Variants in RUNX1 observed in about 807,000 individuals in gnomAD.
RUNX1 encodes RUNX family transcription factor 1.
In RUNX1, 19 loss-of-function variants were observed where a neutral mutation model predicts 42.8. The ratio of observed to expected loss-of-function variants is 0.44; its 90% CI spans 0.31 to 0.65. RUNX1 has a LOEUF of 0.65. RUNX1 is among the 30% of genes least tolerant of loss of function. RUNX1 has a pLI of 0.07. For missense variants in RUNX1, 528 were observed against 672.0 expected (o/e 0.79, Z 2.37); for synonymous variants, 271 against 289.4 (o/e 0.94, Z 0.64).
intron 2 of RUNX1, among the ~76,000 whole-genome samples, chr21:35,010,467 G>A (rs772127326): frequency 6.6e-6 from 1 of 152,100 alleles, no homozygotes; most frequent in Non-Finnish European, 1.5e-5. Flanking sequence ...CTTTGTTGAC[G>A]AGAATGTTTT....
At chr21:34,821,319 A>C (rs2056904699) in intron 7 of RUNX1, 26 of 1,143,618 alleles carry the variant, frequency 2.3e-5, no homozygotes, top group Non-Finnish European at 2.7e-5. Flanking sequence ...TAAGTATTGA[A>C]AGTGTACCGG....
chr21:34,925,920 C>T (rs1485393767), intron 2 of RUNX1, among the ~76,000 whole-genome samples: 1 of 151,888 alleles, frequency 6.6e-6, no homozygotes. Context: ...AAGGCTAGTA[C>T]TATAGAGTGC....
intron 2 of RUNX1, among the ~76,000 whole-genome samples, chr21:34,917,643 AGGT>A (rs1452516047): frequency 5.2e-4 from 79 of 152,356 alleles, no homozygotes; most frequent in Middle Eastern, 3.4e-3. Flanking sequence ...ACAGATGGAA[AGGT>A]GGTCAGACAC....
chr21:34,849,423 AGT>A (rs2057381133), intron 6 of RUNX1, among the ~76,000 whole-genome samples: 2 of 71,910 alleles, frequency 2.8e-5, no homozygotes, highest in African/African-American at 1.1e-4. Context: ...TATATTATAT[AGT>A]ATATATATTA....
At chr21:35,026,788 G>T (rs1171850300) in intron 2 of RUNX1, among the ~76,000 whole-genome samples, 14 of 152,208 alleles carry the variant, frequency 9.2e-5, no homozygotes, top group Admixed American at 9.2e-4. Flanking sequence ...AGCCAGAAAC[G>T]GCGGGGACGC....
chr21:34,850,647 G>A (rs1210123718), intron 6 of RUNX1, among the ~76,000 whole-genome samples: 1 of 152,102 alleles, frequency 6.6e-6, no homozygotes, highest in Non-Finnish European at 1.5e-5. Flanking sequence ...GCAACATTTG[G>A]GGGCAAGGCC....
chr21:34,908,622 A>G (rs905943322), intron 2 of RUNX1, among the ~76,000 whole-genome samples: 14 of 152,158 alleles, frequency 9.2e-5, no homozygotes, highest in African/African-American at 3.4e-4. Flanking sequence ...AAGGCCAGAT[A>G]AAGACTTCTG....
intron 2 of RUNX1, among the ~76,000 whole-genome samples, chr21:35,036,925 G>C (rs1306959361): frequency 2.0e-5 from 3 of 152,214 alleles, no homozygotes; most frequent in Admixed American, 1.3e-4. Context: ...CACCCCTGAA[G>C]GAGGGACTCA....
intron 6 of RUNX1, among the ~76,000 whole-genome samples, chr21:34,849,270 TATATATATA>T (rs1363005081): frequency 2.2e-5 from 1 of 45,618 alleles, no homozygotes; most frequent in Non-Finnish European, 4.1e-5. Flanking sequence ...ATATATATAA[TATATATATA>T]ATATATATTA....
chr21:34,876,224 G>A (rs530320528), intron 5 of RUNX1, among the ~76,000 whole-genome samples: 23 of 152,298 alleles, frequency 1.5e-4, no homozygotes, highest in African/African-American at 5.5e-4. Context: ...GTGATGATAT[G>A]TGGGCATACC....
At chr21:34,793,314 CATGAT>C (rs1015614689) in intron 8 of RUNX1, among the ~76,000 whole-genome samples, 9 of 151,550 alleles carry the variant, frequency 5.9e-5, no homozygotes, top group African/African-American at 1.9e-4. Flanking sequence ...TGTAATATGA[CATGAT>C]ATATGAAATG....
At chr21:34,890,273 C>T (rs892126021) in intron 3 of RUNX1, among the ~76,000 whole-genome samples, 3 of 152,134 alleles carry the variant, frequency 2.0e-5, no homozygotes, top group African/African-American at 7.2e-5. Flanking sequence ...ACGCCCCCGA[C>T]GGCGCGGGGC....
intron 2 of RUNX1, among the ~76,000 whole-genome samples, chr21:34,937,519 T>A (rs1218271264): frequency 6.6e-6 from 1 of 152,098 alleles, no homozygotes. Context: ...TCAAGCATAT[T>A]GCAAGATTAC....
intron 2 of RUNX1, among the ~76,000 whole-genome samples, chr21:34,959,446 A>G (rs2058668297): frequency 6.6e-6 from 1 of 152,180 alleles, no homozygotes; most frequent in Admixed American, 6.5e-5. Flanking sequence ...AGGCATGGAG[A>G]ACAGTGCCTA....
At chr21:35,007,387 C>T (rs2059092955) in intron 2 of RUNX1, among the ~76,000 whole-genome samples, 2 of 152,128 alleles carry the variant, frequency 1.3e-5, no homozygotes, top group African/African-American at 4.8e-5. Context: ...AATGCTCTCC[C>T]CCAGCCCCAC....
intron 2 of RUNX1, among the ~76,000 whole-genome samples, chr21:35,003,336 G>A (rs996171570): frequency 6.6e-6 from 1 of 152,116 alleles, no homozygotes; most frequent in Non-Finnish European, 1.5e-5. Flanking sequence ...GTAGACAGCT[G>A]GTAGGAAAAT....
rs893626529 is a variant in RUNX1, at chr21:34,966,120, A to G, written c.59-73157T>C. Among the ~76,000 whole-genome samples, 13 of 152,266 alleles carry G rather than the reference A, an allele frequency of 8.5e-5. No individual in the cohort carries two copies. In the South Asian group the frequency reaches 2.1e-3, roughly 24 times the overall value. On this transcript the variant is annotated intron_variant, in intron 2 of 8. Transcript: ENST00000675419. Reference sequence around the variant, plus strand: ...CCACTTCATCTGCACACTTCTATACATTAGATAGAGCCCTGTTTTACAGAT... The same window carrying G: ...CCACTTCATCTGCACACTTCTATACGTTAGATAGAGCCCTGTTTTACAGAT...
chr21:34,965,950 C>G (rs532800574), intron 2 of RUNX1, among the ~76,000 whole-genome samples: 1 of 152,134 alleles, frequency 6.6e-6, no homozygotes, highest in Non-Finnish European at 1.5e-5. Flanking sequence ...TGCTGCATGC[C>G]AGGACAGGGA....
At chr21:34,994,577 A>G (rs192776857) in intron 2 of RUNX1, among the ~76,000 whole-genome samples, 2 of 152,232 alleles carry the variant, frequency 1.3e-5, no homozygotes, top group East Asian at 3.9e-4. Context: ...GTGTGATCAC[A>G]GCTCCACAGC....
Sources: gnomAD v4.1 joint callset for allele counts (sites outside exome capture counted in the v4.1 genomes callset) on GRCh38, gnomAD v4.1.1 for gene constraint, MANE v1.5 for transcripts, NCBI Gene and HGNC (gene_info 2026-07-23, HGNC 2026-07-21) for gene names.